SLC16A7: variants seen among roughly 807,000 people sequenced by gnomAD.
The protein encoded by SLC16A7 is monocarboxylate transporter 2.
SLC16A7 carries 33 observed loss-of-function variants against 34.9 expected under a neutral mutation model. The ratio of observed to expected loss-of-function variants is 0.94; its 90% CI spans 0.72 to 1.26. The LOEUF is 1.26. SLC16A7 is among the 50% of genes most tolerant of loss of function. SLC16A7 has a pLI of 0.00. For synonymous variants in SLC16A7, 201 were observed against 206.6 expected (o/e 0.97, Z 0.23); for missense variants, 573 against 578.1 (o/e 0.99, Z 0.09).
At chr12:59,611,620 A>C (rs917829699) in intron 1 of SLC16A7, among the ~76,000 whole-genome samples, 5 of 152,210 alleles carry the variant, frequency 3.3e-5, no homozygotes, top group African/African-American at 1.2e-4. Flanking sequence ...TTAACTCAAA[A>C]GTCCAAGTCC....
chr12:59,701,859 T>C (rs1872925674), intron 2 of SLC16A7, among the ~76,000 whole-genome samples: 2 of 151,818 alleles, frequency 1.3e-5, no homozygotes, highest in Non-Finnish European at 3.0e-5. Context: ...AATAATCCAG[T>C]TGTATTTCTG....
chr12:59,669,893 C>G (rs926569751), intron 2 of SLC16A7, among the ~76,000 whole-genome samples: 2 of 152,070 alleles, frequency 1.3e-5, no homozygotes, highest in Non-Finnish European at 2.9e-5. Context: ...CCTTCCTTGT[C>G]TAGTGTGAGA....
rs188985358 is a variant in SLC16A7, at chr12:59,599,040, G to T, written c.-130+2804G>T. ...AAGTGGTTGAGCTGGGGCAAGCACC[G>T]ATGCGATCTGTTTGGCTTTAACCAC... On this transcript the variant is annotated intron_variant, in intron 1 of 5. Transcript: ENST00000547379. Among the ~76,000 whole-genome samples, 124 of 152,326 alleles carry T rather than the reference G, an allele frequency of 8.1e-4. 1 individual carries two copies. Among genetic ancestry groups the T allele is most frequent in the African/African-American group, 2.6e-3 (110 of 41,574 alleles).
chr12:59,741,663 A>G (rs564182157), intron 3 of SLC16A7, among the ~76,000 whole-genome samples: 71 of 152,340 alleles, frequency 4.7e-4, no homozygotes, highest in African/African-American at 1.7e-3. Context: ...CATCAATTTG[A>G]ATCTGAAGAA....
chr12:59,633,655 A>G (rs547110213), intron 1 of SLC16A7, among the ~76,000 whole-genome samples: 15 of 152,140 alleles, frequency 9.9e-5, no homozygotes, highest in African/African-American at 3.6e-4. Context: ...AAAAAAAAAA[A>G]AGAGATTTAA....
At chr12:59,778,987 G>A (rs1690027816) in intron 5 of SLC16A7, among the ~76,000 whole-genome samples, 1 of 152,068 alleles carries the variant, frequency 6.6e-6, no homozygotes, top group East Asian at 1.9e-4. Context: ...CCATGTAAAA[G>A]CCTTTGGGTT....
In SLC16A7 at chr12:59,620,377, G is replaced by A. The variant is rs147829859; in HGVS notation, c.-130+24141G>A. Among the ~76,000 whole-genome samples the A allele has an allele frequency of 4.3e-4, 66 of 151,958 alleles. 1 individual carries two copies. The East Asian group carries it at 0.01, about 24-fold the overall frequency. On this transcript the variant is annotated intron_variant, in intron 1 of 5. Coordinates refer to ENST00000547379, the MANE Select transcript of SLC16A7 (RefSeq NM_001270623.2). ...CCTCTGAAAAAAAAATTTACAGTGAGGTATGTTTACAAAAGAGGAAGACAG... is the reference window on the plus strand; with the variant it reads ...CCTCTGAAAAAAAAATTTACAGTGAAGTATGTTTACAAAAGAGGAAGACAG...
At chr12:59,768,641 T>C (rs773852904) in intron 3 of SLC16A7, among the ~76,000 whole-genome samples, 2 of 152,146 alleles carry the variant, frequency 1.3e-5, no homozygotes, top group Non-Finnish European at 2.9e-5. Flanking sequence ...CATCGCATGC[T>C]ACAAAGAAAT....
At chr12:59,739,264 A>G (rs1261679990) in intron 3 of SLC16A7, among the ~76,000 whole-genome samples, 3 of 133,978 alleles carry the variant, frequency 2.2e-5, no homozygotes, top group Non-Finnish European at 3.1e-5. Context: ...TCATTGTTCA[A>G]TTCCCACCTA....
At position 59,774,744 on chromosome 12, in the gene SLC16A7, C is replaced by T. The variant is rs756328238; in HGVS notation, c.449C>T (p.Ala150Val). ...AAGCGACCCATGGCAAATGGATTGGCCATGGCAGGAAGTCCTGTTTTCTTA... is the reference window on the plus strand; with the variant it reads ...AAGCGACCCATGGCAAATGGATTGGTCATGGCAGGAAGTCCTGTTTTCTTA... ...YRKRPMANGL[A>V]MAGSPVFLSS... Residue 150 changes from alanine (A) to valine (V), a missense_variant, in exon 5 of 6, where the codon GCC (alanine) becomes GTC (valine). Transcript: ENST00000547379. The T allele has an allele frequency of 6.2e-7, 1 of 1,613,664 alleles. No individual in the cohort carries two copies. The highest frequency in any genetic ancestry group is 1.7e-5 in the Admixed American group (1 of 59,962).
At chr12:59,776,699 T>G (rs1328325483) in intron 5 of SLC16A7, among the ~76,000 whole-genome samples, 2 of 152,122 alleles carry the variant, frequency 1.3e-5, no homozygotes, top group African/African-American at 4.8e-5. Context: ...TTTTTTTCAC[T>G]TGGTTAGGAA....
At chr12:59,754,401 G>A (rs889925041) in intron 3 of SLC16A7, among the ~76,000 whole-genome samples, 23 of 151,818 alleles carry the variant, frequency 1.5e-4, no homozygotes, top group South Asian at 4.2e-4. Flanking sequence ...TCAAATAGAC[G>A]CAATAAAAAA....
chr12:59,715,609 G>A (rs1318258380), intron 3 of SLC16A7, among the ~76,000 whole-genome samples: 1 of 152,112 alleles, frequency 6.6e-6, no homozygotes, highest in African/African-American at 2.4e-5. Context: ...TTTGACCTCC[G>A]CTGGGAAGGT....
chr12:59,636,778 T>C (rs1019506716), intron 1 of SLC16A7, among the ~76,000 whole-genome samples: 3 of 152,140 alleles, frequency 2.0e-5, no homozygotes, highest in African/African-American at 7.2e-5. Context: ...GATTAGAAAT[T>C]CCAATGTTAT....
rs576504565 is a variant in SLC16A7, at chr12:59,766,668, C to T, written c.218-4551C>T. ...TTGTATGTTGAACCAGCCTTGCATC[C>T]CAGGCATGAAGCCCACTTGATCATG... On this transcript the variant is annotated intron_variant, in intron 3 of 5. Coordinates refer to ENST00000547379, the MANE Select transcript of SLC16A7 (RefSeq NM_001270623.2). Among the ~76,000 whole-genome samples the T allele has an allele frequency of 6.6e-5, 10 of 152,242 alleles. No homozygotes were observed. In the South Asian group the frequency reaches 2.1e-3, roughly 32 times the overall value.
chr12:59,629,660 T>G lies in SLC16A7; in HGVS notation c.-129-25492T>G, dbSNP rs545847128. 2.0e-5 allele frequency among the ~76,000 whole-genome samples: 3 copies of G among 152,122 alleles called. No homozygotes were observed. In the East Asian group the frequency reaches 5.8e-4, roughly 30 times the overall value. On this transcript the variant is annotated intron_variant, in intron 1 of 5. Transcript: ENST00000547379. ...AAGAGGATGTGCCTAATAGGAATTC[T>G]TATCCTTCAGATTTTATTGTCATTG...
intron 3 of SLC16A7, among the ~76,000 whole-genome samples, chr12:59,706,260 AC>A (rs1186866666): frequency 1.3e-5 from 2 of 151,874 alleles, no homozygotes; most frequent in Admixed American, 6.6e-5. Flanking sequence ...CTTGTGTACC[AC>A]CTCCACCAAT....
chr12:59,714,176 A>G (rs1874595328), intron 3 of SLC16A7, among the ~76,000 whole-genome samples: 1 of 152,186 alleles, frequency 6.6e-6, no homozygotes, highest in South Asian at 2.1e-4. Context: ...GAGTTCTAGT[A>G]GCCCAGAGGA....
chr12:59,599,466 G>A (rs1467647300), intron 1 of SLC16A7, among the ~76,000 whole-genome samples: 2 of 152,108 alleles, frequency 1.3e-5, no homozygotes, highest in Non-Finnish European at 2.9e-5. Flanking sequence ...AAACATCAAA[G>A]AGTGACCTAC....
Sources: gnomAD v4.1 joint callset for allele counts (sites outside exome capture counted in the v4.1 genomes callset) on GRCh38, gnomAD v4.1.1 for gene constraint, MANE v1.5 for transcripts, NCBI Gene and HGNC (gene_info 2026-07-23, HGNC 2026-07-21) for gene names.